ARHGAP10: variants seen among roughly 807,000 people sequenced by gnomAD.
The protein encoded by ARHGAP10 is rho GTPase-activating protein 10.
A neutral mutation model predicts 108.6 loss-of-function variants in ARHGAP10; 87 were observed. That is an observed-to-expected ratio of 0.80 (90% CI 0.67 to 0.96). The LOEUF is 0.96. Ranked by LOEUF, ARHGAP10 falls within the 40% of genes least tolerant of loss-of-function variation. ARHGAP10 has a pLI of 0.00. For synonymous variants in ARHGAP10, 347 were observed against 341.1 expected (o/e 1.02, Z -0.19); for missense variants, 939 against 954.5 (o/e 0.98, Z 0.21).
intron 19 of ARHGAP10, among the ~76,000 whole-genome samples, chr4:148,031,673 T>A (rs1452180915): frequency 6.6e-6 from 1 of 152,252 alleles, no homozygotes. Flanking sequence ...GAATGATTCT[T>A]AGTTTTTCCA....
chr4:148,014,697 A>C (rs996175177), intron 18 of ARHGAP10, among the ~76,000 whole-genome samples: 2 of 152,214 alleles, frequency 1.3e-5, no homozygotes, highest in African/African-American at 4.8e-5. Flanking sequence ...GTTGTACTTT[A>C]TAAAGTCTGG....
chr4:147,935,218 A>G (rs976282922), intron 13 of ARHGAP10, among the ~76,000 whole-genome samples: 1 of 152,160 alleles, frequency 6.6e-6, no homozygotes, highest in Non-Finnish European at 1.5e-5. Context: ...GAGGCCCGTC[A>G]TGGATGTGTG....
chr4:147,820,125 G>C (rs951860939), intron 1 of ARHGAP10, among the ~76,000 whole-genome samples: 1 of 152,122 alleles, frequency 6.6e-6, no homozygotes, highest in Non-Finnish European at 1.5e-5. Context: ...CATGGTGTTG[G>C]AGGAGTGGGC....
At chr4:147,911,578 G>A (rs557701274) in intron 12 of ARHGAP10, among the ~76,000 whole-genome samples, 12 of 152,142 alleles carry the variant, frequency 7.9e-5, no homozygotes, top group African/African-American at 2.2e-4. Context: ...TAGCCAGGAT[G>A]GTCTTGATCT....
chr4:148,023,228 G>A (rs1272173573), intron 18 of ARHGAP10, 35 bp from the exon 19 acceptor site: 1 of 1,608,998 alleles, frequency 6.2e-7, no homozygotes, highest in South Asian at 1.1e-5. Flanking sequence ...TCTGTTCATG[G>A]TAAATAATTC....
intron 20 of ARHGAP10, among the ~76,000 whole-genome samples, 186 bp from the exon 21 acceptor site, chr4:148,062,962 G>C (rs944798951): frequency 6.6e-6 from 1 of 152,174 alleles, no homozygotes; most frequent in African/African-American, 2.4e-5. Context: ...GCTGTGGCTG[G>C]TTTCTGGGTT....
chr4:147,962,326 G>A (rs538320289), intron 16 of ARHGAP10, among the ~76,000 whole-genome samples: 1 of 152,254 alleles, frequency 6.6e-6, no homozygotes, highest in African/African-American at 2.4e-5. Flanking sequence ...ATAGTAACAC[G>A]AACAACAACA....
intron 13 of ARHGAP10, among the ~76,000 whole-genome samples, chr4:147,929,438 G>A (rs536199828): frequency 6.6e-6 from 1 of 152,210 alleles, no homozygotes; most frequent in South Asian, 2.1e-4. Context: ...ATGAATTGCT[G>A]AGTATCTTGG....
chr4:147,836,870 GTAT>G (rs963346717), intron 3 of ARHGAP10, among the ~76,000 whole-genome samples: 1 of 151,928 alleles, frequency 6.6e-6, no homozygotes, highest in African/African-American at 2.4e-5. Context: ...TAGGGAGAAA[GTAT>G]TATTCCTGGC....
chr4:147,945,855 G>A lies in ARHGAP10; in HGVS notation c.1304-762G>A, dbSNP rs1331398740. Among the ~76,000 whole-genome samples the A allele has an allele frequency of 3.9e-5, 6 of 152,274 alleles. No individual in the cohort carries two copies. In the South Asian group the frequency reaches 1.0e-3, roughly 26 times the overall value. The stretch of plus-strand genomic sequence containing the variant: ...GGGTGAGGAGAGTGGAACTTATTAA[G>A]CTTAAGGGGAGTGCTCAGCAAAGAG... On this transcript the variant is annotated intron_variant, in intron 14 of 22. Transcript: ENST00000336498.
At chr4:148,009,702 A>G (rs913346422) in intron 18 of ARHGAP10, among the ~76,000 whole-genome samples, 25 of 152,308 alleles carry the variant, frequency 1.6e-4, no homozygotes, top group African/African-American at 6.0e-4. Flanking sequence ...TTTTTTAAGT[A>G]ATCAATCCAG....
At chr4:147,839,092 GTATCTATCTATCTATC>G (rs139337846) in intron 3 of ARHGAP10, among the ~76,000 whole-genome samples, 1,992 of 143,892 alleles carry the variant, frequency 0.014, 37 homozygotes, top group African/African-American at 0.047. Context: ...TAGATCTATC[GTATCTATCTATCTATC>G]TATCTATCTA....
chr4:147,797,879 C>T lies in ARHGAP10; in HGVS notation c.155-24848C>T, dbSNP rs1235785754. Among the ~76,000 whole-genome samples the T allele has an allele frequency of 3.9e-5, 6 of 152,172 alleles. No homozygotes were observed. The East Asian group carries it at 1.2e-3, about 29-fold the overall frequency. On this transcript the variant is annotated intron_variant, in intron 1 of 22. Coordinates refer to ENST00000336498, the MANE Select transcript of ARHGAP10 (RefSeq NM_024605.4). ...TACAGTCAATCTTTTTTAGTGGCAT[C>T]CCATCTCATCTAGCTCATCCCACCC...
intron 18 of ARHGAP10, among the ~76,000 whole-genome samples, chr4:147,989,044 A>G (rs1740157343): frequency 6.6e-6 from 1 of 152,198 alleles, no homozygotes; most frequent in Non-Finnish European, 1.5e-5. Flanking sequence ...CTAAGTGTCG[A>G]CTGGCTTGAG....
chr4:147,901,055 GT>G (rs1363515729), intron 10 of ARHGAP10, among the ~76,000 whole-genome samples: 3 of 151,960 alleles, frequency 2.0e-5, no homozygotes, highest in South Asian at 4.2e-4. Flanking sequence ...TATGTCCTTT[GT>G]TTCAAAAACT....
At chr4:148,071,015 T>G (rs564384475) in intron 22 of ARHGAP10, among the ~76,000 whole-genome samples, 9 of 152,336 alleles carry the variant, frequency 5.9e-5, no homozygotes, top group African/African-American at 2.2e-4. Context: ...CCAGGCACCA[T>G]GCCCAGATGT....
intron 14 of ARHGAP10, among the ~76,000 whole-genome samples, chr4:147,945,283 C>T (rs1738329531): frequency 6.6e-6 from 1 of 152,072 alleles, no homozygotes; most frequent in African/African-American, 2.4e-5. Flanking sequence ...ACTAACTCTC[C>T]CATCTCCTTT....
At chr4:147,776,086 A>G (rs897428866) in intron 1 of ARHGAP10, among the ~76,000 whole-genome samples, 5 of 152,214 alleles carry the variant, frequency 3.3e-5, no homozygotes, top group Non-Finnish European at 2.9e-5. Flanking sequence ...AATATAAAAT[A>G]CCACTACTTG....
intron 1 of ARHGAP10, among the ~76,000 whole-genome samples, chr4:147,819,392 C>T (rs953036844): frequency 1.1e-4 from 16 of 151,954 alleles, no homozygotes; most frequent in East Asian, 1.9e-4. Flanking sequence ...GATCCTGTTG[C>T]GATCTGGCAA....
Sources: allele counts gnomAD v4.1 joint callset (sites outside exome capture counted in the v4.1 genomes callset), GRCh38; gene constraint gnomAD v4.1.1; transcripts MANE v1.5; gene names NCBI Gene and HGNC (gene_info 2026-07-23, HGNC 2026-07-21).